The following FNBP1L variants were observed in gnomAD, a reference collection of about 807,000 sequenced individuals.
The protein encoded by FNBP1L is formin-binding protein 1-like.
FNBP1L carries 36 observed loss-of-function variants against 91.2 expected under a neutral mutation model. The ratio of observed to expected loss-of-function variants is 0.39; its 90% confidence interval spans 0.30 to 0.52. The LOEUF (loss-of-function observed/expected upper bound fraction) is 0.52, where lower values mean the gene tolerates loss of function less well. FNBP1L is among the 20% of genes least tolerant of loss of function. The probability of loss-of-function intolerance (pLI) is 0.66; values close to 1 mark genes in which losing one functional copy is unlikely to be tolerated. For missense variants in FNBP1L, 571 were observed against 732.1 expected (o/e 0.78, Z 2.54); for synonymous variants, 242 against 237.0 (o/e 1.02, Z -0.19).
intron 6 of FNBP1L, 127 bp from the exon 7 acceptor site, chr1:93,530,628 C>A: frequency 1.1e-6 from 1 of 937,858 alleles, no homozygotes; most frequent in Non-Finnish European, 1.6e-6. Flanking sequence ...AGTTATGCCA[C>A]GTCATTATTC....
intron 10 of FNBP1L, among the ~76,000 whole-genome samples, chr1:93,539,826 G>A (rs1366288450): frequency 6.6e-6 from 1 of 152,028 alleles, no homozygotes; most frequent in African/African-American, 2.4e-5. Context: ...AATTTGGAAC[G>A]ATAATGCATA....
At chr1:93,508,318 C>T (rs1670704111) in intron 2 of FNBP1L, among the ~76,000 whole-genome samples, 1 of 152,102 alleles carries the variant, frequency 6.6e-6, no homozygotes, top group Admixed American at 6.5e-5. Context: ...CACTGTACTC[C>T]AGCCTGGGTG....
chr1:93,477,179 A>G (rs185553509), intron 1 of FNBP1L, among the ~76,000 whole-genome samples: 3 of 152,356 alleles, frequency 2.0e-5, no homozygotes, highest in South Asian at 2.1e-4. Flanking sequence ...TCAAGAGGCT[A>G]TTGCAGTATT....
intron 1 of FNBP1L, among the ~76,000 whole-genome samples, chr1:93,496,950 T>C (rs1670282543): frequency 6.6e-6 from 1 of 152,168 alleles, no homozygotes; most frequent in South Asian, 2.1e-4. Flanking sequence ...TCATCACAAT[T>C]AGTTTCAGTG....
chr1:93,514,684 A>C (rs1023949808), intron 2 of FNBP1L, among the ~76,000 whole-genome samples: 1 of 152,066 alleles, frequency 6.6e-6, no homozygotes, highest in Non-Finnish European at 1.5e-5. Flanking sequence ...TCCCTATTTA[A>C]TAAATGGTGC....
At chr1:93,510,359 A>T (rs1670787693) in intron 2 of FNBP1L, among the ~76,000 whole-genome samples, 1 of 152,188 alleles carries the variant, frequency 6.6e-6, no homozygotes, top group South Asian at 2.1e-4. Flanking sequence ...CTGACACCTC[A>T]CACGGCTGGG....
chr1:93,480,408 C>T (rs1669656377), intron 1 of FNBP1L, among the ~76,000 whole-genome samples: 1 of 152,120 alleles, frequency 6.6e-6, no homozygotes, highest in African/African-American at 2.4e-5. Context: ...AGAACCCATT[C>T]CTCTATCTAT....
chr1:93,465,566 G>A (rs1370969321), intron 1 of FNBP1L, among the ~76,000 whole-genome samples: 1 of 152,146 alleles, frequency 6.6e-6, no homozygotes, highest in Non-Finnish European at 1.5e-5. Flanking sequence ...GTATTCCATG[G>A]TATATATGTG....
At chr1:93,531,018 A>G in intron 7 of FNBP1L, 135 bp downstream of exon 7, 2 of 696,848 alleles carry the variant, frequency 2.9e-6, no homozygotes, top group Non-Finnish European at 4.5e-6. Context: ...CTTTATGATT[A>G]TAGATTTGAA....
intron 1 of FNBP1L, among the ~76,000 whole-genome samples, chr1:93,455,839 A>G (rs1283034973): frequency 6.6e-6 from 1 of 152,262 alleles, no homozygotes; most frequent in African/African-American, 2.4e-5. Context: ...TAATATTGTC[A>G]TCTGTGCCTT....
At chr1:93,551,320 A>T (rs975921502) in intron 16 of FNBP1L, 1 of 1,231,656 alleles carries the variant, frequency 8.1e-7, no homozygotes, top group African/African-American at 1.5e-5. Flanking sequence ...TGTTTGAGTA[A>T]CGTTGGTGTG....
Position 93,523,541 on chromosome 1 carries a change from A to T in FNBP1L, c.342+50A>T, listed in dbSNP as rs759952206. 6.1e-6 allele frequency: 9 copies of T among 1,482,484 alleles called. No individual in the cohort carries two copies. In the African/African-American group the frequency reaches 1.3e-4, roughly 21 times the overall value. The allele number at this position is 1,482,484 out of a possible 1,614,324, so 91.8% of individuals were successfully genotyped here. ...TTGCAATAGTATATGAAATAGTCAC[A>T]CAGAAACACTTTGTTTTCTTTAAAA... is the stretch of plus-strand genomic sequence containing the variant. On this transcript the variant is annotated intron_variant, in intron 4 of 16. Transcript: ENST00000271234.
At chr1:93,448,791 TCGCCCGTCTGGGGCGG>T (rs1215988400) in intron 1 of FNBP1L, among the ~76,000 whole-genome samples, 2 of 152,116 alleles carry the variant, frequency 1.3e-5, no homozygotes, top group South Asian at 2.1e-4. Flanking sequence ...GGCTAGGGCG[TCGCCCGTCTGGGGCGG>T]CGCCGCCCAG....
At chr1:93,462,298 C>CT (rs1668898405) in intron 1 of FNBP1L, among the ~76,000 whole-genome samples, 1 of 151,904 alleles carries the variant, frequency 6.6e-6, no homozygotes. Flanking sequence ...AATTGATAGA[C>CT]TTTATTTTTT....
At chr1:93,516,465 A>G (rs1056126233) in intron 2 of FNBP1L, among the ~76,000 whole-genome samples, 2 of 152,166 alleles carry the variant, frequency 1.3e-5, no homozygotes, top group African/African-American at 2.4e-5. Context: ...TTAATTGTCC[A>G]TCATCTGCTT....
At chr1:93,547,517 C>A (rs986960875) in intron 14 of FNBP1L, 76 bp downstream of exon 14, 1 of 1,250,884 alleles carries the variant, frequency 8.0e-7, no homozygotes, top group Non-Finnish European at 1.1e-6. Flanking sequence ...TTATACAATT[C>A]GTTTTTTTCT....
intron 1 of FNBP1L, among the ~76,000 whole-genome samples, chr1:93,484,085 T>C (rs967178736): frequency 6.6e-6 from 1 of 152,122 alleles, no homozygotes; most frequent in Non-Finnish European, 1.5e-5. Context: ...TGCGCCACCA[T>C]GCCCGGCTAA....
intron 2 of FNBP1L, among the ~76,000 whole-genome samples, chr1:93,513,619 G>T (rs1418029315): frequency 6.6e-6 from 1 of 151,548 alleles, no homozygotes; most frequent in Non-Finnish European, 1.5e-5. Flanking sequence ...TTCAATATAC[G>T]CAAATCAATA....
intron 1 of FNBP1L, among the ~76,000 whole-genome samples, chr1:93,482,712 G>A (rs534809692): frequency 6.6e-6 from 1 of 152,040 alleles, no homozygotes; most frequent in Admixed American, 6.6e-5. Context: ...GGGCAACATG[G>A]TGAAACCCCT....
Sources: allele counts gnomAD v4.1 joint callset (sites outside exome capture counted in the v4.1 genomes callset), GRCh38; gene constraint gnomAD v4.1.1; transcripts MANE v1.5; gene names NCBI Gene and HGNC (gene_info 2026-07-23, HGNC 2026-07-21).